GPR89B: variants seen among roughly 807,000 people sequenced by gnomAD.
GPR89B encodes the protein golgi pH regulator B.
A neutral mutation model predicts 52.4 loss-of-function variants in GPR89B; 25 were observed. That is an observed-to-expected ratio of 0.48 (90% CI 0.35 to 0.67). The LOEUF (loss-of-function observed/expected upper bound fraction) is 0.67, where lower values mean the gene tolerates loss of function less well. Among genes scored for constraint, GPR89B ranks in the 30% least tolerant of loss-of-function variants. The pLI is 0.01. For synonymous variants in GPR89B, 52 were observed against 151.2 expected (o/e 0.34, Z 4.81); for missense variants, 146 against 450.2 (o/e 0.32, Z 6.11).
intron 11 of GPR89B, 85 bp downstream of exon 11, chr1:147,986,379 C>T: frequency 6.4e-7 from 1 of 1,560,166 alleles, no homozygotes; most frequent in Non-Finnish European, 8.7e-7. Context: ...AATTTGTATA[C>T]TTTAGGTACT....
intron 12 of GPR89B, among the ~76,000 whole-genome samples, chr1:147,989,780 G>A (rs1430392452): frequency 8.4e-4 from 128 of 152,184 alleles, no homozygotes; most frequent in Non-Finnish European, 1.6e-3. Context: ...TTTATGGCTG[G>A]ATAGTATTCC....
downstream of GPR89B, among the ~76,000 whole-genome samples, chr1:147,995,225 G>A (rs1223865968): frequency 1.3e-5 from 2 of 150,044 alleles, no homozygotes; most frequent in Non-Finnish European, 3.0e-5. Flanking sequence ...TTTTATGGGT[G>A]GGAAAACTGA....
intron 3 of GPR89B, among the ~76,000 whole-genome samples, chr1:147,939,922 C>T (rs1654405838): frequency 1.3e-5 from 2 of 151,422 alleles, no homozygotes; most frequent in Admixed American, 1.3e-4. Flanking sequence ...ATCCCTTGAG[C>T]CCAGGAGTTT....
At chr1:147,937,697 G>T (rs1260107228) in intron 2 of GPR89B, among the ~76,000 whole-genome samples, 2 of 152,164 alleles carry the variant, frequency 1.3e-5, no homozygotes, top group African/African-American at 4.8e-5. Flanking sequence ...CCTGCAAGCA[G>T]TCGGACCTTA....
intron 7 of GPR89B, among the ~76,000 whole-genome samples, chr1:147,955,126 T>C (rs1184418666): frequency 2.6e-5 from 4 of 151,910 alleles, no homozygotes; most frequent in African/African-American, 4.8e-5. Flanking sequence ...GTTCACTGTT[T>C]TAGATTCCAC....
chr1:147,950,321 A>G (rs1655539232), intron 5 of GPR89B, among the ~76,000 whole-genome samples: 12 of 138,590 alleles, frequency 8.7e-5, no homozygotes. Flanking sequence ...GGCGCTCCCC[A>G]CATCTTAGAC....
chr1:148,021,401 C>A, the GPR89B span, among the ~76,000 whole-genome samples: 1 of 151,868 alleles, frequency 6.6e-6, no homozygotes, highest in Non-Finnish European at 1.5e-5. Flanking sequence ...ACTCAGGAGG[C>A]CGAGGCGGGA....
At chr1:148,010,193 T>A in the GPR89B span, 1 of 152,384 alleles carries the variant, frequency 6.6e-6, no homozygotes, top group Non-Finnish European at 1.5e-5. Flanking sequence ...AGAAAAGGCT[T>A]GTCCTAAACC....
At chr1:148,014,917 G>C in the GPR89B span, 6 of 151,654 alleles carry the variant, frequency 4.0e-5, no homozygotes, top group East Asian at 9.8e-4. Context: ...CCAGTGAACG[G>C]GTTTCAACCG....
At chr1:148,015,914 T>A in the GPR89B span, among the ~76,000 whole-genome samples, 1 of 151,986 alleles carries the variant, frequency 6.6e-6, no homozygotes, top group Non-Finnish European at 1.5e-5. Context: ...GTTACTTTAG[T>A]AATTCCCTTA....
At chr1:147,952,997 G>A (rs1450492591) in intron 5 of GPR89B, among the ~76,000 whole-genome samples, 4 of 128,852 alleles carry the variant, frequency 3.1e-5, no homozygotes, top group Non-Finnish European at 5.0e-5. Flanking sequence ...TACTTTCTTA[G>A]TTTTTTTTTT....
intron 10 of GPR89B, among the ~76,000 whole-genome samples, chr1:147,981,038 G>A (rs1277887274): frequency 6.6e-6 from 1 of 151,516 alleles, no homozygotes; most frequent in Admixed American, 6.6e-5. Flanking sequence ...GTTGGGGGGG[G>A]CTTTTTAAAT....
intron 5 of GPR89B, among the ~76,000 whole-genome samples, chr1:147,945,941 G>T (rs1243607520): frequency 6.6e-6 from 1 of 151,980 alleles, no homozygotes; most frequent in Non-Finnish European, 1.5e-5. Flanking sequence ...GCTCAGGATG[G>T]TCTCGAACTC....
At chr1:147,949,383 C>T (rs1452272605) in intron 5 of GPR89B, among the ~76,000 whole-genome samples, 9 of 142,858 alleles carry the variant, frequency 6.3e-5, no homozygotes, top group East Asian at 4.2e-4. Context: ...GCTGGCTGGG[C>T]GGGGGGCTGA....
At chr1:147,929,973 C>T (rs1166361044) in intron 1 of GPR89B, among the ~76,000 whole-genome samples, 1 of 152,120 alleles carries the variant, frequency 6.6e-6, no homozygotes, top group Non-Finnish European at 1.5e-5. Context: ...GCCTTAGTAC[C>T]AATTTAAGAA....
At chr1:147,958,090 A>G (rs1656258932) in intron 7 of GPR89B, among the ~76,000 whole-genome samples, 1 of 152,060 alleles carries the variant, frequency 6.6e-6, no homozygotes, top group Admixed American at 6.5e-5. Context: ...AAGAATGATA[A>G]AGAAGGCTCA....
intron 10 of GPR89B, among the ~76,000 whole-genome samples, chr1:147,977,233 C>CAAAAAA (rs1191631857): frequency 4.4e-4 from 18 of 41,320 alleles, no homozygotes; most frequent in Admixed American, 8.6e-4. Flanking sequence ...GACTCCATCT[C>CAAAAAA]AAAAAAAAAA....
At chr1:148,010,355 T>C in the GPR89B span, 1 of 152,216 alleles carries the variant, frequency 6.6e-6, no homozygotes, top group East Asian at 1.9e-4. Flanking sequence ...AGAAAAGCTC[T>C]GGGTCCCTGG....
intron 7 of GPR89B, among the ~76,000 whole-genome samples, chr1:147,959,365 A>G (rs1272470665): frequency 8.5e-5 from 13 of 152,286 alleles, no homozygotes; most frequent in African/African-American, 3.1e-4. Context: ...TCCAGAAATG[A>G]CAGTGGAAAG....
Sources: gnomAD v4.1 joint callset for allele counts (sites outside exome capture counted in the v4.1 genomes callset) on GRCh38, gnomAD v4.1.1 for gene constraint, MANE v1.5 for transcripts, NCBI Gene and HGNC (gene_info 2026-07-23, HGNC 2026-07-21) for gene names.